BCAR3: variants seen among roughly 807,000 people sequenced by gnomAD.
The protein encoded by BCAR3 is BCAR3 adaptor protein, NSP family member.
A neutral mutation model predicts 80.1 loss-of-function variants in BCAR3; 37 were observed. The ratio of observed to expected loss-of-function variants is 0.46; its 90% CI spans 0.36 to 0.61. The LOEUF (loss-of-function observed/expected upper bound fraction) is 0.61, where lower values mean the gene tolerates loss of function less well. Among genes scored for constraint, BCAR3 ranks in the 20% least tolerant of loss-of-function variants. The pLI is 0.00. For missense variants in BCAR3, 978 were observed against 1,068.2 expected, an observed-to-expected ratio of 0.92 and a Z score of 1.18; for synonymous variants, 389 against 418.9, an observed-to-expected ratio of 0.93 and a Z score of 0.87.
Position 93,562,078 on chromosome 1 carries a change from A to G in BCAR3, c.*163T>C. The G allele has an allele frequency of 1.8e-6, 1 of 567,772 alleles. No individual in the cohort carries two copies. Among genetic ancestry groups the G allele is most frequent in the Non-Finnish European group, 2.8e-6 (1 of 359,556 alleles). The allele number at this position is 567,772 out of a possible 1,614,324, so 35.2% of individuals were successfully genotyped here. ...AGTAGTAACTTTAGACAATTCATAAATAAGTGTGCTCTGTGCAATTTACAC... is the reference window on the plus strand; with the variant it reads ...AGTAGTAACTTTAGACAATTCATAAGTAAGTGTGCTCTGTGCAATTTACAC... On this transcript the variant is annotated 3_prime_UTR_variant, in exon 12 of 12. Coordinates refer to ENST00000260502, the MANE Select transcript of BCAR3 (RefSeq NM_003567.4).
intron 3 of BCAR3, among the ~76,000 whole-genome samples, chr1:93,593,356 GTTTA>G (rs933578499): frequency 6.6e-5 from 10 of 152,114 alleles, no homozygotes; most frequent in Non-Finnish European, 1.2e-4. Context: ...TTTTAAAAAT[GTTTA>G]TTTATTTTAT....
intron 2 of BCAR3, among the ~76,000 whole-genome samples, chr1:93,653,947 G>C (rs1225625983): frequency 6.6e-6 from 1 of 152,132 alleles, no homozygotes; most frequent in Non-Finnish European, 1.5e-5. Flanking sequence ...CTGGACACCT[G>C]CAATACCTTC....
In BCAR3 at chr1:93,567,786, A is replaced by G. The variant is rs1417109831; in HGVS notation, c.2040T>C (p.Tyr680=). 8 of 1,614,092 alleles carry G rather than the reference A, an allele frequency of 5.0e-6. No individual in the cohort carries two copies. The highest frequency in any genetic ancestry group is 6.8e-6 in the Non-Finnish European group (8 of 1,180,050). The change falls in exon 10 of 12, where the codon TAT becomes TAC. Residue 680 remains tyrosine (Y), a synonymous_variant. Transcript: ENST00000260502. The part of the protein sequence containing the change: ...RHQYTQTAIL[Y]EKQLKPFSKL... ...TGCTGAAGGGCTTCAGCTGTTTCTC[A>G]TAGAGAATGGCAGTTTGGGTGTACT...
chr1:93,577,954 A>G (rs1235642206), intron 7 of BCAR3, among the ~76,000 whole-genome samples: 1 of 152,222 alleles, frequency 6.6e-6, no homozygotes, highest in Non-Finnish European at 1.5e-5. Context: ...GGGGATCCCA[A>G]GCTCACACCG....
At chr1:93,846,334 G>C (rs1655178282) in intron 1 of BCAR3, among the ~76,000 whole-genome samples, 2 of 152,238 alleles carry the variant, frequency 1.3e-5, no homozygotes, top group Non-Finnish European at 2.9e-5. Context: ...GCCGAGCCGA[G>C]AAAGCGCGCC....
At chr1:93,591,168 TAAAAAAAAA>T (rs35143036) in intron 4 of BCAR3, among the ~76,000 whole-genome samples, 2 of 66,344 alleles carry the variant, frequency 3.0e-5, no homozygotes, top group Non-Finnish European at 2.6e-5. Flanking sequence ...TCTACTACAT[TAAAAAAAAA>T]AAAAAAAAAA....
chr1:93,661,619 C>T (rs1647662820), intron 2 of BCAR3, among the ~76,000 whole-genome samples: 1 of 151,898 alleles, frequency 6.6e-6, no homozygotes, highest in Admixed American at 6.6e-5. Flanking sequence ...TCCCAAGTAG[C>T]TGGGATTACA....
At position 93,690,332 on chromosome 1, in the gene BCAR3, T is replaced by G. The variant is rs141464609; in HGVS notation, c.-11-15391A>C. Among the ~76,000 whole-genome samples the G allele has an allele frequency of 1.0e-3, 152 of 152,372 alleles. 2 individuals carry two copies. Among genetic ancestry groups the G allele is most frequent in the African/African-American group, 3.5e-3 (144 of 41,586 alleles). The stretch of plus-strand genomic sequence containing the variant: ...CTGATTATCACTAATTACTTTTATT[T>G]TGTTTTATAATTTACACAGTGCTTA... On this transcript the variant is annotated intron_variant, in intron 3 of 13. Transcript: ENST00000370244.
intron 3 of BCAR3, among the ~76,000 whole-genome samples, chr1:93,629,493 C>A (rs921563753): frequency 2.0e-5 from 3 of 152,174 alleles, no homozygotes; most frequent in African/African-American, 7.2e-5. Flanking sequence ...TAATAAAATT[C>A]CTTGACAATT....
At chr1:93,616,816 A>C (rs943571170) in intron 3 of BCAR3, among the ~76,000 whole-genome samples, 6 of 152,196 alleles carry the variant, frequency 3.9e-5, no homozygotes, top group African/African-American at 1.2e-4. Flanking sequence ...GGGCCCAGTC[A>C]GGCAGCTCTG....
At chr1:93,667,707 C>G (rs1369741018) in intron 2 of BCAR3, among the ~76,000 whole-genome samples, 1 of 152,204 alleles carries the variant, frequency 6.6e-6, no homozygotes, top group Non-Finnish European at 1.5e-5. Flanking sequence ...TTTGGGGCCT[C>G]TAAGAAGAGA....
intron 2 of BCAR3, among the ~76,000 whole-genome samples, chr1:93,771,289 C>A (rs561011639): frequency 2.6e-5 from 4 of 152,274 alleles, no homozygotes; most frequent in African/African-American, 9.6e-5. Context: ...CCCACAGCCA[C>A]CCTGTCAGAG....
intron 3 of BCAR3, among the ~76,000 whole-genome samples, chr1:93,696,744 C>G (rs1228188605): frequency 6.6e-6 from 1 of 152,186 alleles, no homozygotes; most frequent in Non-Finnish European, 1.5e-5. Context: ...TTGGTGCCTC[C>G]AAGCCATTGC....
chr1:93,598,091 T>C (rs1674492078), intron 3 of BCAR3, among the ~76,000 whole-genome samples: 1 of 152,216 alleles, frequency 6.6e-6, no homozygotes, highest in East Asian at 1.9e-4. Context: ...CCTCGATTAA[T>C]GCAGAAACCC....
chr1:93,565,100 CTTTT>C (rs1160258864), intron 11 of BCAR3, among the ~76,000 whole-genome samples: 1 of 144,686 alleles, frequency 6.9e-6, no homozygotes, highest in African/African-American at 2.5e-5. Context: ...CAGATGGTGA[CTTTT>C]TTTTTTTTTG....
intron 4 of BCAR3, among the ~76,000 whole-genome samples, chr1:93,590,689 A>C (rs1442415742): frequency 1.3e-5 from 2 of 152,232 alleles, no homozygotes; most frequent in African/African-American, 4.8e-5. Context: ...TTAAAATTGC[A>C]TCTTTGCCTT....
At chr1:93,565,065 C>A (rs1218173744) in intron 11 of BCAR3, among the ~76,000 whole-genome samples, 1 of 151,552 alleles carries the variant, frequency 6.6e-6, no homozygotes, top group African/African-American at 2.4e-5. Flanking sequence ...GCCAGAATAT[C>A]CTTGGTGGAT....
intron 3 of BCAR3, among the ~76,000 whole-genome samples, chr1:93,635,312 T>C (rs908928167): frequency 6.6e-6 from 1 of 151,704 alleles, no homozygotes; most frequent in Non-Finnish European, 1.5e-5. Context: ...TTGAAGGACT[T>C]TGGGGTTGTC....
chr1:93,767,257 T>C (rs1015392925), intron 2 of BCAR3, among the ~76,000 whole-genome samples: 8 of 152,194 alleles, frequency 5.3e-5, no homozygotes, highest in African/African-American at 1.9e-4. Flanking sequence ...GTAGGGTGGC[T>C]CATGCCTATA....
Sources: gnomAD v4.1 joint callset for allele counts (sites outside exome capture counted in the v4.1 genomes callset) on GRCh38, gnomAD v4.1.1 for gene constraint, MANE v1.5 for transcripts, NCBI Gene and HGNC (gene_info 2026-07-23, HGNC 2026-07-21) for gene names.